The following PGPEP1 variants were observed in gnomAD, a reference collection of about 807,000 sequenced individuals.
The protein encoded by PGPEP1 is pyroglutamyl-peptidase I.
In PGPEP1, 15 loss-of-function variants were observed where a neutral mutation model predicts 24.1. The observed-to-expected ratio is 0.62, with a 90% confidence interval of 0.42 to 0.96. The LOEUF is 0.96. Ranked by LOEUF, PGPEP1 falls within the 40% of genes least tolerant of loss-of-function variation. The probability of loss-of-function intolerance (pLI) is 0.00; values close to 1 mark genes in which losing one functional copy is unlikely to be tolerated. For missense variants in PGPEP1, 242 were observed against 273.4 expected (o/e 0.89, Z 0.81); for synonymous variants, 122 against 116.4 (o/e 1.05, Z -0.31).
At position 18,366,519 on chromosome 19, in the gene PGPEP1, A is replaced by G. The variant is rs1003597069; in HGVS notation, c.*2936A>G. ...GGATTCTCACACTGTTACTCGGGCT[A>G]GAGTGCAATGGCGTGATCTCGGCTC... On this transcript the variant is annotated 3_prime_UTR_variant, in exon 5 of 5. Transcript: ENST00000269919. 6.6e-6 allele frequency: 1 copy of G among 152,026 alleles called. No homozygotes were observed. The highest frequency in any genetic ancestry group is 1.5e-5 in the Non-Finnish European group (1 of 68,014). The allele number at this position is 152,026 out of a possible 1,614,324, so 9.4% of individuals were successfully genotyped here. A position where few individuals can be genotyped will look rare whatever the true frequency, so the allele number is the denominator to read the frequency against.
At chr19:18,354,434 G>T (rs953784734) in intron 2 of PGPEP1, among the ~76,000 whole-genome samples, 1 of 152,162 alleles carries the variant, frequency 6.6e-6, no homozygotes, top group African/African-American at 2.4e-5. Context: ...GGCGGAGCTT[G>T]CAGTGAGCCG....
intron 2 of PGPEP1, among the ~76,000 whole-genome samples, chr19:18,343,557 C>T (rs1254108542): frequency 8.5e-5 from 13 of 152,204 alleles, no homozygotes; most frequent in African/African-American, 2.4e-4. Context: ...TGGCCAGCGG[C>T]TACAGATCTG....
At chr19:18,358,755 C>T (rs1336763060) in intron 4 of PGPEP1, among the ~76,000 whole-genome samples, 2 of 151,780 alleles carry the variant, frequency 1.3e-5, no homozygotes, top group Admixed American at 1.3e-4. Context: ...GCTGGGATTA[C>T]AGGCGTGCAT....
Position 18,369,482 on chromosome 19 carries a change from T to A in PGPEP1, c.*5899T>A, listed in dbSNP as rs1971646030. The A allele has an allele frequency of 4.6e-5, 7 of 152,438 alleles. No individual in the cohort carries two copies. The highest frequency in any genetic ancestry group is 3.9e-4 in the Admixed American group (6 of 15,280). 9.4% of individuals were successfully genotyped at this position (152,438 alleles called of 1,614,324 possible). On this transcript the variant is annotated 3_prime_UTR_variant, in exon 5 of 5. Transcript: ENST00000269919. Reference sequence around the variant, plus strand: ...AGGTGGGGTCTGGGGCCTGGGGGTTTTGTGTCGTGACACTTTGTCTCAAGG... The same window carrying A: ...AGGTGGGGTCTGGGGCCTGGGGGTTATGTGTCGTGACACTTTGTCTCAAGG...
chr19:18,360,785 A>G (rs760617072), intron 4 of PGPEP1, among the ~76,000 whole-genome samples: 12 of 151,788 alleles, frequency 7.9e-5, no homozygotes, highest in Non-Finnish European at 1.6e-4. Context: ...TCGGCCTCCC[A>G]AAGTGCTGGG....
chr19:18,342,297 C>T (rs1970693075), intron 1 of PGPEP1, among the ~76,000 whole-genome samples: 1 of 152,154 alleles, frequency 6.6e-6, no homozygotes, highest in South Asian at 2.1e-4. Flanking sequence ...TCAGTCCCTG[C>T]TCCTGGAAAC....
intron 1 of PGPEP1, among the ~76,000 whole-genome samples, chr19:18,341,731 CTG>C (rs931386319): frequency 3.3e-5 from 5 of 152,126 alleles, no homozygotes; most frequent in African/African-American, 7.2e-5. Flanking sequence ...GAAAGGGAAA[CTG>C]AGGCTCACAG....
chr19:18,357,170 T>C (rs561805384), intron 3 of PGPEP1, among the ~76,000 whole-genome samples: 2 of 152,372 alleles, frequency 1.3e-5, no homozygotes, highest in East Asian at 3.9e-4. Context: ...ACAGCTGCAG[T>C]GAACAGCCCT....
Position 18,367,155 on chromosome 19 carries a change from C to CAA in PGPEP1, c.*3591_*3592dup, listed in dbSNP as rs59537099. On this transcript the variant is annotated 3_prime_UTR_variant, in exon 5 of 5. Coordinates refer to ENST00000269919, the MANE Select transcript of PGPEP1 (RefSeq NM_017712.4). ...CGGGTGACACAGCAAGACTCTGTCT[C>CAA]AAAAAAAAAAAAAAAAAAAATCCTC... 0.013 allele frequency: 1,280 copies of CAA among 95,120 alleles called. 20 individuals are homozygous for CAA. Among genetic ancestry groups the CAA allele is most frequent in the Middle Eastern group, 0.033 (6 of 180 alleles). 5.9% of individuals were successfully genotyped at this position (95,120 alleles called of 1,614,324 possible).
Position 18,357,536 on chromosome 19 carries a change from A to G in PGPEP1, c.358A>G (p.Ile120Val). 1 of 1,613,438 alleles carries G rather than the reference A, an allele frequency of 6.2e-7. No individual in the cohort carries two copies. Among genetic ancestry groups the G allele is most frequent in the Non-Finnish European group, 8.5e-7 (1 of 1,179,726 alleles). ...CGGGCCTGAAAGCATTGACTCCATC[A>G]TCGACATGGATGCTGTGTGCAAGCG... is the stretch of plus-strand genomic sequence containing the variant. The part of the protein sequence containing the change: ...EDGPESIDSI[I>V]DMDAVCKRVT... The change falls in exon 4 of 5, where the codon ATC becomes GTC. Residue 120 changes from isoleucine (I) to valine (V), a missense_variant. By Grantham distance (29) the Ile-to-Val change is conservative. Transcript: ENST00000269919.
At chr19:18,362,343 G>T (rs1445001869) in intron 4 of PGPEP1, among the ~76,000 whole-genome samples, 1 of 151,762 alleles carries the variant, frequency 6.6e-6, no homozygotes, top group Non-Finnish European at 1.5e-5. Context: ...GGAGGCGAAG[G>T]TTGGAGTGAG....
intron 2 of PGPEP1, chr19:18,349,161 T>C: frequency 1.1e-6 from 1 of 915,782 alleles, no homozygotes; most frequent in South Asian, 5.0e-5. Flanking sequence ...CTTTCTTTCT[T>C]GTTTTTTTGT....
chr19:18,363,475 G>A lies in PGPEP1; in HGVS notation c.522G>A (p.Lys174=). ...TCGTCCACGTGCCCCCACTGGGGAA[G>A]CCGTACAACGCGGACCAGCTGGGCA... The part of the protein sequence containing the change: ...SAFVHVPPLG[K]PYNADQLGRA... The change falls in exon 5 of 5, where the codon AAG becomes AAA. Residue 174 remains lysine (K), a synonymous_variant. Transcript: ENST00000269919. 1 of 1,614,202 alleles carries A rather than the reference G, an allele frequency of 6.2e-7. No homozygotes were observed. The highest frequency in any genetic ancestry group is 8.5e-7 in the Non-Finnish European group (1 of 1,180,022).
intron 2 of PGPEP1, among the ~76,000 whole-genome samples, chr19:18,351,127 C>G (rs946748515): frequency 6.6e-6 from 1 of 151,694 alleles, no homozygotes; most frequent in Non-Finnish European, 1.5e-5. Flanking sequence ...CAAAAATAAG[C>G]GGGGCATGGT....
rs764846346 is a variant in PGPEP1, at chr19:18,342,846, C to A, written c.35-13C>A. Reference sequence around the variant, plus strand: ...CACTCTTGGGTAATATATTGCTTTTCCTGTTTTTTCAGGATTTGGCCCTTT... The same window carrying A: ...CACTCTTGGGTAATATATTGCTTTTACTGTTTTTTCAGGATTTGGCCCTTT... On this transcript the variant is annotated splice_polypyrimidine_tract_variant and intron_variant, in intron 1 of 4. Transcript: ENST00000269919. The A allele has an allele frequency of 6.2e-7, 1 of 1,611,054 alleles. No homozygotes were observed. Among genetic ancestry groups the A allele is most frequent in the Non-Finnish European group, 8.5e-7 (1 of 1,177,236 alleles).
At chr19:18,350,169 C>T (rs1391803093) in intron 2 of PGPEP1, among the ~76,000 whole-genome samples, 1 of 152,056 alleles carries the variant, frequency 6.6e-6, no homozygotes, top group Non-Finnish European at 1.5e-5. Context: ...TACAGGCATG[C>T]GACACCACGC....
At chr19:18,352,212 C>T (rs540062568) in intron 2 of PGPEP1, among the ~76,000 whole-genome samples, 1 of 134,916 alleles carries the variant, frequency 7.4e-6, no homozygotes, top group Non-Finnish European at 1.5e-5. Flanking sequence ...GCGGAGCTTG[C>T]AGTGAGCCAA....
At position 18,367,890 on chromosome 19, in the gene PGPEP1, G is replaced by A. The variant is rs891150547; in HGVS notation, c.*4307G>A. 1.3e-5 allele frequency: 2 copies of A among 152,352 alleles called. No homozygotes were observed. Among genetic ancestry groups the A allele is most frequent in the Non-Finnish European group, 2.9e-5 (2 of 68,218 alleles). The allele number at this position is 152,352 out of a possible 1,614,324, so 9.4% of individuals were successfully genotyped here. On this transcript the variant is annotated 3_prime_UTR_variant, in exon 5 of 5. Coordinates refer to ENST00000269919, the MANE Select transcript of PGPEP1 (RefSeq NM_017712.4). The stretch of plus-strand genomic sequence containing the variant: ...TGTCTGTGATCCCAGTGCTTTGGGA[G>A]GCTGAGGTGGGAGGATTGCTTGAGC...
intron 2 of PGPEP1, among the ~76,000 whole-genome samples, chr19:18,345,743 AAAG>A (rs1157513024): frequency 2.0e-5 from 3 of 150,850 alleles, no homozygotes; most frequent in African/African-American, 7.3e-5. Flanking sequence ...AAAAAAAAAA[AAAG>A]AAAAGAAATT....
Sources: gnomAD v4.1 joint callset for allele counts (sites outside exome capture counted in the v4.1 genomes callset) on GRCh38, gnomAD v4.1.1 for gene constraint, MANE v1.5 for transcripts, NCBI Gene and HGNC (gene_info 2026-07-23, HGNC 2026-07-21) for gene names.